The following KIAA1328 variants were observed in gnomAD, a reference collection of about 807,000 sequenced individuals.
KIAA1328 encodes the protein KIAA1328.
Under a neutral mutation model 68.1 loss-of-function variants are expected in KIAA1328, and 52 were observed. The observed-to-expected ratio is 0.76, with a 90% CI of 0.61 to 0.96. The LOEUF (loss-of-function observed/expected upper bound fraction) is 0.96, where lower values mean the gene tolerates loss of function less well. KIAA1328 is among the 40% of genes least tolerant of loss of function. The pLI, the probability that KIAA1328 is intolerant of heterozygous loss-of-function variation, is 0.00. For synonymous variants in KIAA1328, 232 were observed against 239.4 expected (o/e 0.97, Z 0.28); for missense variants, 641 against 677.6 (o/e 0.95, Z 0.60).
At chr18:37,042,846 CTCT>C (rs1027346403) in intron 6 of KIAA1328, among the ~76,000 whole-genome samples, 3 of 152,116 alleles carry the variant, frequency 2.0e-5, no homozygotes, top group East Asian at 1.9e-4. Context: ...TATCTCTCTC[CTCT>C]TCTTCTGGCT....
At chr18:37,068,652 C>T (rs547807295) in intron 7 of KIAA1328, among the ~76,000 whole-genome samples, 78 of 152,234 alleles carry the variant, frequency 5.1e-4, no homozygotes, top group African/African-American at 1.8e-3. Context: ...CAGTATTGCC[C>T]ATATTCTAAT....
Position 36,994,442 on chromosome 18 carries a change from C to G in KIAA1328, c.576+35007C>G, listed in dbSNP as rs142541711. On this transcript the variant is annotated intron_variant, in intron 6 of 9. Coordinates refer to ENST00000280020, the MANE Select transcript of KIAA1328 (RefSeq NM_020776.3). ...AGTCATAATCTCAGTGGACGGGACT[C>G]CAAACATGTATTTCTTTAGAAGATA... 5.0e-4 allele frequency among the ~76,000 whole-genome samples: 76 copies of G among 152,224 alleles called. No homozygotes were observed. In the East Asian group the frequency reaches 0.012, roughly 25 times the overall value.
intron 7 of KIAA1328, among the ~76,000 whole-genome samples, chr18:37,081,621 TG>T (rs1172605682): frequency 3.9e-5 from 6 of 152,248 alleles, no homozygotes; most frequent in Non-Finnish European, 5.9e-5. Flanking sequence ...TATTAGGTTA[TG>T]TTTATTCAAC....
rs1329657922 is a variant in KIAA1328 at position 37,222,754 on chromosome 18, C to T, written c.*527C>T. 2 of 995,266 alleles carry T rather than the reference C, an allele frequency of 2.0e-6. No individual in the cohort carries two copies. Among genetic ancestry groups the T allele is most frequent in the Non-Finnish European group, 2.4e-6 (2 of 836,430 alleles). 61.7% of individuals were successfully genotyped at this position (995,266 alleles called of 1,614,324 possible). A position where few individuals can be genotyped will look rare whatever the true frequency, so the allele number is the denominator to read the frequency against. On this transcript the variant is annotated 3_prime_UTR_variant, in exon 10 of 10. Coordinates refer to ENST00000280020, the MANE Select transcript of KIAA1328 (RefSeq NM_020776.3). Reference sequence around the variant, plus strand: ...TCTGAAGTTGGAGTTGGTGCCCCTGCCATCACAAACAACACGAGAGCCAAT... The same window carrying T: ...TCTGAAGTTGGAGTTGGTGCCCCTGTCATCACAAACAACACGAGAGCCAAT...
chr18:37,001,158 C>T (rs1198170130), intron 6 of KIAA1328, among the ~76,000 whole-genome samples: 2 of 151,582 alleles, frequency 1.3e-5, no homozygotes, highest in Non-Finnish European at 2.9e-5. Context: ...AGAGAAGATC[C>T]AAATAAACAA....
intron 6 of KIAA1328, among the ~76,000 whole-genome samples, chr18:36,962,182 TA>T (rs1250459092): frequency 1.3e-5 from 2 of 152,106 alleles, no homozygotes; most frequent in East Asian, 3.9e-4. Context: ...TAGTCTCTGA[TA>T]AAACAGACTT....
rs1481357515 is a variant in KIAA1328 at position 37,225,235 on chromosome 18, C to T, written c.*3008C>T. ...GCTGTGGCGGACTCCTTCCAACTCA[C>T]GATTTATCCTCAGCTCAGAGTGTAT... On this transcript the variant is annotated 3_prime_UTR_variant, in exon 10 of 10. Transcript: ENST00000280020. 5 of 985,300 alleles carry T rather than the reference C, an allele frequency of 5.1e-6. No individual in the cohort carries two copies. Among genetic ancestry groups the T allele is most frequent in the East Asian group, 1.1e-4 (1 of 8,822 alleles). 61.0% of individuals were successfully genotyped at this position (985,300 alleles called of 1,614,324 possible).
At chr18:36,935,277 A>G (rs1350462867) in intron 5 of KIAA1328, among the ~76,000 whole-genome samples, 1 of 152,214 alleles carries the variant, frequency 6.6e-6, no homozygotes. Flanking sequence ...TTGAGTAGAA[A>G]TCAGCCACTG....
intron 7 of KIAA1328, among the ~76,000 whole-genome samples, chr18:37,096,074 C>T (rs1425721545): frequency 6.6e-6 from 1 of 151,954 alleles, no homozygotes; most frequent in Non-Finnish European, 1.5e-5. Flanking sequence ...GGAGAACTGA[C>T]ACCAATTCTT....
intron 8 of KIAA1328, among the ~76,000 whole-genome samples, chr18:37,162,205 A>G (rs956582773): frequency 2.6e-5 from 4 of 151,080 alleles, no homozygotes; most frequent in African/African-American, 9.8e-5. Context: ...GTTTTCACTC[A>G]TGGTTTTATT....
intron 6 of KIAA1328, among the ~76,000 whole-genome samples, chr18:37,047,355 A>G (rs1176545129): frequency 6.6e-6 from 1 of 152,068 alleles, no homozygotes; most frequent in Non-Finnish European, 1.5e-5. Context: ...ACTGCCTATC[A>G]CTTGGCTCAT....
chr18:37,158,649 T>C lies in KIAA1328; in HGVS notation c.1233-1551T>C, dbSNP rs186672504. 2.7e-4 allele frequency among the ~76,000 whole-genome samples: 41 copies of C among 152,326 alleles called. No homozygotes were observed. In the South Asian group the frequency reaches 2.7e-3, roughly 10 times the overall value. On this transcript the variant is annotated intron_variant, in intron 7 of 9. Coordinates refer to ENST00000280020, the MANE Select transcript of KIAA1328 (RefSeq NM_020776.3). The stretch of plus-strand genomic sequence containing the variant: ...TACAAATGAAGGAAGAAATTTTTCA[T>C]ATAGTCATCTTTATTTTAGGGAAAT...
intron 6 of KIAA1328, among the ~76,000 whole-genome samples, chr18:37,043,972 C>T (rs1355201620): frequency 2.0e-5 from 3 of 152,058 alleles, no homozygotes; most frequent in African/African-American, 7.2e-5. Flanking sequence ...CAAAATCATA[C>T]AATAAAAACA....
At chr18:36,925,628 C>T (rs12953468) in intron 5 of KIAA1328, among the ~76,000 whole-genome samples, 37,293 of 151,612 alleles carry the variant, frequency 0.25, 5,507 homozygotes, top group Non-Finnish European at 0.33. Context: ...ACCTCAACCT[C>T]CTGGGCTCAA....
chr18:37,219,119 G>C (rs1246734462), intron 9 of KIAA1328, among the ~76,000 whole-genome samples: 1 of 152,200 alleles, frequency 6.6e-6, no homozygotes, highest in African/African-American at 2.4e-5. Flanking sequence ...TCCAGACCCT[G>C]TTTGCCTGGG....
chr18:37,146,989 T>C (rs1376228889), intron 7 of KIAA1328, among the ~76,000 whole-genome samples: 6 of 152,160 alleles, frequency 3.9e-5, no homozygotes, highest in Non-Finnish European at 8.8e-5. Flanking sequence ...TCTTACTCTG[T>C]TAGCTCCCAT....
At chr18:36,851,253 T>C (rs546649770) in intron 4 of KIAA1328, among the ~76,000 whole-genome samples, 7 of 152,306 alleles carry the variant, frequency 4.6e-5, no homozygotes, top group African/African-American at 1.7e-4. Context: ...TCATAAAGGA[T>C]ATTGTCTGTA....
intron 3 of KIAA1328, among the ~76,000 whole-genome samples, chr18:36,836,459 A>C (rs188239219): frequency 6.6e-6 from 1 of 152,228 alleles, no homozygotes. Context: ...GCCTATTATC[A>C]AGTGATATTT....
intron 9 of KIAA1328, among the ~76,000 whole-genome samples, chr18:37,213,494 C>G (rs2060359963): frequency 6.6e-6 from 1 of 152,190 alleles, no homozygotes; most frequent in Non-Finnish European, 1.5e-5. Context: ...TTTTTTATGG[C>G]TGCATAGTAT....
Sources: gnomAD v4.1 joint callset for allele counts (sites outside exome capture counted in the v4.1 genomes callset) on GRCh38, gnomAD v4.1.1 for gene constraint, MANE v1.5 for transcripts, NCBI Gene and HGNC (gene_info 2026-07-23, HGNC 2026-07-21) for gene names.